RBL1: variants seen among roughly 807,000 people sequenced by gnomAD.
RBL1 encodes the protein retinoblastoma-like protein 1.
A neutral mutation model predicts 123.0 loss-of-function variants in RBL1; 82 were observed. That is an observed-to-expected ratio of 0.67 (90% confidence interval 0.56 to 0.80). The LOEUF (loss-of-function observed/expected upper bound fraction) is 0.80. RBL1 is among the 30% of genes least tolerant of loss of function. The pLI, the probability that RBL1 is intolerant of heterozygous loss-of-function variation, is 0.00. For missense variants in RBL1, 1,171 were observed against 1,299.6 expected, an observed-to-expected ratio of 0.90 and a Z score of 1.52; for synonymous variants, 405 against 441.3, an observed-to-expected ratio of 0.92 and a Z score of 1.03.
At chr20:37,020,551 A>G (rs2064325772) in intron 18 of RBL1, 108 bp downstream of exon 18, 3 of 777,444 alleles carry the variant, frequency 3.9e-6, no homozygotes, top group Non-Finnish European at 4.1e-6. Context: ...ATTAAAACAG[A>G]AAATCTGAAG....
intron 2 of RBL1, among the ~76,000 whole-genome samples, chr20:37,083,853 A>G (rs997807881): frequency 5.3e-5 from 8 of 151,880 alleles, no homozygotes; most frequent in African/African-American, 1.7e-4. Context: ...ATATCAATCT[A>G]CATTTTAAAA....
intron 20 of RBL1, among the ~76,000 whole-genome samples, chr20:37,005,894 C>CTTTTTTTTTTTTTTTTTTTTTTT (rs1013303071): frequency 3.1e-5 from 3 of 98,132 alleles, no homozygotes; most frequent in Non-Finnish European, 5.6e-5. Flanking sequence ...TTTTTTCTTT[C>CTTTTTTTTTTTTTTTTTTTTTTT]TTTTTTTTTT....
At chr20:37,049,800 C>T in intron 11 of RBL1, 2 of 474,640 alleles carry the variant, frequency 4.2e-6, no homozygotes, top group Non-Finnish European at 3.7e-6. Flanking sequence ...TGGTGGCTCA[C>T]ACCTGTAATC....
At chr20:37,011,816 C>G (rs1230882118) in intron 19 of RBL1, among the ~76,000 whole-genome samples, 1 of 152,132 alleles carries the variant, frequency 6.6e-6, no homozygotes, top group Non-Finnish European at 1.5e-5. Context: ...TTCAGGAAAT[C>G]AAAAGTATTT....
chr20:37,095,824 C>G lies in RBL1; in HGVS notation c.105G>C (p.Ala35=). 1 of 1,609,378 alleles carries G rather than the reference C, an allele frequency of 6.2e-7. No individual in the cohort carries two copies. Among genetic ancestry groups the G allele is most frequent in the South Asian group, 1.1e-5 (1 of 90,176 alleles). ...CQELNLDEGS[A]AEALDDFTAI... ...CAGTAAAGTCGTCCAGGGCTTCGGC[C>G]GCGCTCCCCTCGTCCAGGTTCAGCT... The change falls in exon 1 of 22, where the codon GCG becomes GCC. Residue 35 remains alanine, a synonymous_variant. Transcript: ENST00000373664.
At chr20:37,044,058 T>C in intron 13 of RBL1, 28 bp downstream of exon 13, 2 of 1,333,500 alleles carry the variant, frequency 1.5e-6, no homozygotes, top group East Asian at 2.5e-5. Context: ...TTTTTAATGA[T>C]ACGATTATCA....
Position 37,032,860 on chromosome 20 carries a change from A to G in RBL1, c.2187T>C (p.Ala729=). ...AAAGAGGTATCAGTGTGATCTCTCC[A>G]GCATCATTTGCGACACCTGAATGTA... ...TIPLHGVAND[A]GEITLIPLSM... Residue 729 remains alanine (A), a synonymous_variant, in exon 16 of 22, where the codon GCT becomes GCC. Transcript: ENST00000373664. 1.2e-6 allele frequency: 2 copies of G among 1,614,006 alleles called. No homozygotes were observed. Among genetic ancestry groups the G allele is most frequent in the Non-Finnish European group, 1.7e-6 (2 of 1,179,998 alleles).
At chr20:37,074,975 AT>A (rs2065341320) in intron 2 of RBL1, among the ~76,000 whole-genome samples, 1 of 152,254 alleles carries the variant, frequency 6.6e-6, no homozygotes, top group Admixed American at 6.5e-5. Flanking sequence ...GAAATAACTC[AT>A]TAACTGATAA....
At chr20:37,055,413 G>C in intron 11 of RBL1, 140 bp downstream of exon 11, 1 of 1,283,734 alleles carries the variant, frequency 7.8e-7, no homozygotes, top group Non-Finnish European at 1.1e-6. Context: ...CCTTGCATGT[G>C]CTAAAGTCAA....
At position 36,997,482 on chromosome 20, in the gene RBL1, T is replaced by C. The variant is rs552051360; in HGVS notation, c.*1277A>G. The C allele has an allele frequency of 1.3e-5, 2 of 152,306 alleles. No homozygotes were observed. The highest frequency in any genetic ancestry group is 4.8e-5 in the African/African-American group (2 of 41,574). The allele number at this position is 152,306 out of a possible 1,614,324, so 9.4% of individuals were successfully genotyped here. ...AGTGTGGGAAGTAATAAGCAGCTAT[T>C]TTACTGATGTATTAAATATATTAGA... On this transcript the variant is annotated 3_prime_UTR_variant, in exon 22 of 22. Transcript: ENST00000373664.
chr20:37,054,702 C>T (rs1278433846), intron 11 of RBL1, among the ~76,000 whole-genome samples: 2 of 151,144 alleles, frequency 1.3e-5, no homozygotes, highest in East Asian at 2.0e-4. Flanking sequence ...TGGTGGCGGG[C>T]GCCTGTAACC....
intron 7 of RBL1, 28 bp downstream of exon 7, chr20:37,065,396 C>T: frequency 1.3e-6 from 2 of 1,497,696 alleles, no homozygotes; most frequent in Non-Finnish European, 1.8e-6. Context: ...TTGTGATAAG[C>T]CAGGCACCAT....
At chr20:37,003,533 C>T (rs1435453747) in intron 21 of RBL1, 169 bp downstream of exon 21, 1 of 1,200,568 alleles carries the variant, frequency 8.3e-7, no homozygotes, top group Non-Finnish European at 1.1e-6. Context: ...GATTAAACTA[C>T]CTCAAACTGA....
intron 19 of RBL1, among the ~76,000 whole-genome samples, chr20:37,012,090 C>G (rs1335757651): frequency 1.3e-5 from 2 of 152,236 alleles, no homozygotes; most frequent in Non-Finnish European, 2.9e-5. Context: ...GTCTCCAGCT[C>G]CTAACCGCGA....
chr20:37,078,019 G>C (rs2065391948), intron 2 of RBL1, among the ~76,000 whole-genome samples: 2 of 152,082 alleles, frequency 1.3e-5, no homozygotes, highest in African/African-American at 4.8e-5. Flanking sequence ...AGACTTCTTT[G>C]TAACACGAAC....
intron 19 of RBL1, among the ~76,000 whole-genome samples, chr20:37,015,427 T>G (rs528227135): frequency 1.3e-5 from 2 of 152,034 alleles, no homozygotes; most frequent in South Asian, 4.2e-4. Context: ...AATGGCTTTT[T>G]TTGTTGTTGT....
intron 13 of RBL1, among the ~76,000 whole-genome samples, chr20:37,041,239 C>A (rs964143752): frequency 7.9e-5 from 12 of 152,178 alleles, no homozygotes; most frequent in East Asian, 7.7e-4. Context: ...ACAAAAAAAA[C>A]CCCACAATTT....
At chr20:37,055,524 C>A (rs1302976586) in intron 11 of RBL1, 29 bp downstream of exon 11, 2 of 1,613,396 alleles carry the variant, frequency 1.2e-6, no homozygotes, top group Admixed American at 3.3e-5. Flanking sequence ...TTGGACCTTG[C>A]CAGTAGCTCA....
intron 2 of RBL1, among the ~76,000 whole-genome samples, chr20:37,082,752 T>A (rs2065472907): frequency 6.6e-6 from 1 of 152,078 alleles, no homozygotes; most frequent in African/African-American, 2.4e-5. Context: ...ATCCCTGCAC[T>A]TTGGGAGGCG....
Sources: allele counts gnomAD v4.1 joint callset (sites outside exome capture counted in the v4.1 genomes callset), GRCh38; gene constraint gnomAD v4.1.1; transcripts MANE v1.5; gene names NCBI Gene and HGNC (gene_info 2026-07-23, HGNC 2026-07-21).